The following ADAMTS16 variants were observed in gnomAD, a reference collection of about 807,000 sequenced individuals.
ADAMTS16 encodes the protein ADAM metallopeptidase with thrombospondin type 1 motif 16, also known as A disintegrin and metalloproteinase with thrombospondin motifs 16.
In ADAMTS16, 94 loss-of-function variants were observed where a neutral mutation model predicts 145.8. That is an observed-to-expected ratio of 0.64 (90% confidence interval 0.55 to 0.77). The LOEUF (loss-of-function observed/expected upper bound fraction) is 0.77, where lower values mean the gene tolerates loss of function less well. ADAMTS16 is among the 30% of genes least tolerant of loss of function. The pLI is 0.00. For synonymous variants in ADAMTS16, 659 were observed against 604.3 expected (o/e 1.09, Z -1.33); for missense variants, 1,585 against 1,591.5 (o/e 1.00, Z 0.07).
At chr5:5,165,711 C>T (rs1348182990) in intron 3 of ADAMTS16, among the ~76,000 whole-genome samples, 1 of 152,214 alleles carries the variant, frequency 6.6e-6, no homozygotes, top group East Asian at 1.9e-4. Context: ...GAATTTGCCT[C>T]AGGCTGGCAG....
intron 3 of ADAMTS16, among the ~76,000 whole-genome samples, chr5:5,146,959 G>A (rs929363890): frequency 1.3e-5 from 2 of 152,160 alleles, no homozygotes; most frequent in Admixed American, 6.5e-5. Flanking sequence ...ATGGCAGGGC[G>A]TTGCTGGTCT....
intron 6 of ADAMTS16, among the ~76,000 whole-genome samples, chr5:5,189,595 G>A (rs1735601291): frequency 6.6e-6 from 1 of 152,144 alleles, no homozygotes; most frequent in Non-Finnish European, 1.5e-5. Context: ...ACGTGTTTTT[G>A]TATATGTATG....
At chr5:5,168,642 AATT>A (rs1373011095) in intron 3 of ADAMTS16, among the ~76,000 whole-genome samples, 7 of 98,742 alleles carry the variant, frequency 7.1e-5, no homozygotes, top group Admixed American at 2.3e-4. Flanking sequence ...TAATATATAT[AATT>A]ATATTTATAT....
intron 18 of ADAMTS16, among the ~76,000 whole-genome samples, chr5:5,290,604 C>T (rs977702658): frequency 6.6e-6 from 1 of 152,022 alleles, no homozygotes; most frequent in African/African-American, 2.4e-5. Context: ...GAGCTGAGAC[C>T]GAGCCTTTGT....
At chr5:5,278,916 C>G (rs1294185652) in intron 18 of ADAMTS16, among the ~76,000 whole-genome samples, 1 of 151,302 alleles carries the variant, frequency 6.6e-6, no homozygotes, top group Non-Finnish European at 1.5e-5. Flanking sequence ...AAAAACCAAC[C>G]AAACAAACAA....
intron 3 of ADAMTS16, 112 bp downstream of exon 3, chr5:5,146,567 G>A (rs991913448): frequency 2.4e-5 from 27 of 1,122,790 alleles, no homozygotes; most frequent in East Asian, 2.4e-4. Flanking sequence ...GTACTGCAGC[G>A]CAGATTAAGC....
chr5:5,172,733 TTC>T (rs1735075525), intron 3 of ADAMTS16, among the ~76,000 whole-genome samples: 1 of 149,502 alleles, frequency 6.7e-6, no homozygotes, highest in Non-Finnish European at 1.5e-5. Flanking sequence ...GGATAAAATG[TTC>T]TGTAAATATC....
chr5:5,273,133 C>T lies in ADAMTS16; in HGVS notation c.2789+10350C>T, dbSNP rs1490484556. ...GCCACCGTGCTGAGGCCCACCTGAT[C>T]GTCTTTGGGTACCTGTTTGCCCTCC... is the stretch of plus-strand genomic sequence containing the variant. On this transcript the variant is annotated intron_variant, in intron 18 of 22. Coordinates refer to ENST00000274181, the MANE Select transcript of ADAMTS16 (RefSeq NM_139056.4). 2.6e-5 allele frequency among the ~76,000 whole-genome samples: 4 copies of T among 152,290 alleles called. No homozygotes were observed. In the South Asian group the frequency reaches 6.2e-4, roughly 24 times the overall value.
At chr5:5,171,398 AG>A (rs1735038516) in intron 3 of ADAMTS16, among the ~76,000 whole-genome samples, 1 of 152,158 alleles carries the variant, frequency 6.6e-6, no homozygotes, top group South Asian at 2.1e-4. Context: ...GTATGACACT[AG>A]CTGTGGGTCT....
intron 13 of ADAMTS16, among the ~76,000 whole-genome samples, chr5:5,236,000 TA>T (rs1461179578): frequency 6.6e-6 from 1 of 152,210 alleles, no homozygotes; most frequent in African/African-American, 2.4e-5. Context: ...CCTTTACTCC[TA>T]AATCTGTACA....
intron 18 of ADAMTS16, among the ~76,000 whole-genome samples, chr5:5,295,008 A>T (rs73735795): frequency 0.018 from 2,732 of 152,222 alleles, 84 homozygotes; most frequent in African/African-American, 0.06. Context: ...AAAATTATTT[A>T]AAAAAAATGC....
chr5:5,177,388 AC>A (rs1347715107), intron 3 of ADAMTS16, among the ~76,000 whole-genome samples: 1 of 152,226 alleles, frequency 6.6e-6, no homozygotes, highest in African/African-American at 2.4e-5. Flanking sequence ...GATTCCTGTG[AC>A]CAGCATATCA....
intron 10 of ADAMTS16, among the ~76,000 whole-genome samples, chr5:5,216,228 T>C (rs1042449674): frequency 6.6e-6 from 1 of 152,154 alleles, no homozygotes; most frequent in African/African-American, 2.4e-5. Flanking sequence ...TTTTTAGTTA[T>C]GGCCATTCTT....
intron 17 of ADAMTS16, among the ~76,000 whole-genome samples, chr5:5,246,463 A>T (rs1362383526): frequency 6.6e-6 from 1 of 152,198 alleles, no homozygotes; most frequent in Non-Finnish European, 1.5e-5. Context: ...TTTGAAAAAA[A>T]TGATTGAAAT....
chr5:5,311,241 C>T (rs754819954), intron 21 of ADAMTS16, among the ~76,000 whole-genome samples: 13 of 148,840 alleles, frequency 8.7e-5, no homozygotes, highest in Non-Finnish European at 1.8e-4. Context: ...TCAGCATCTG[C>T]CAAGTTCAAC....
chr5:5,208,092 A>G (rs879653010), intron 9 of ADAMTS16, among the ~76,000 whole-genome samples: 3 of 152,198 alleles, frequency 2.0e-5, no homozygotes, highest in Non-Finnish European at 2.9e-5. Context: ...ATTGTAGAGA[A>G]TTGGTATAAG....
chr5:5,306,197 T>G (rs1740147224), intron 20 of ADAMTS16, among the ~76,000 whole-genome samples: 1 of 152,202 alleles, frequency 6.6e-6, no homozygotes, highest in African/African-American at 2.4e-5. Flanking sequence ...TCAGTATGCT[T>G]CGATATCAGT....
chr5:5,234,118 A>T (rs1298236294), intron 12 of ADAMTS16, among the ~76,000 whole-genome samples: 1 of 152,208 alleles, frequency 6.6e-6, no homozygotes, highest in Non-Finnish European at 1.5e-5. Flanking sequence ...TCCCATCTTT[A>T]AAGCATGAGC....
At chr5:5,264,155 G>C (rs1295982871) in intron 18 of ADAMTS16, among the ~76,000 whole-genome samples, 3 of 152,094 alleles carry the variant, frequency 2.0e-5, no homozygotes, top group Admixed American at 2.0e-4. Flanking sequence ...TGCTTAAAAG[G>C]CATTATTGAG....
Sources: gnomAD v4.1 joint callset for allele counts (sites outside exome capture counted in the v4.1 genomes callset) on GRCh38, gnomAD v4.1.1 for gene constraint, MANE v1.5 for transcripts, NCBI Gene and HGNC (gene_info 2026-07-23, HGNC 2026-07-21) for gene names.